Variants in PACS1 observed in about 807,000 individuals in gnomAD.
The protein encoded by PACS1 is phosphofurin acidic cluster sorting protein 1.
PACS1 carries 24 observed loss-of-function variants against 115.0 expected under a neutral mutation model. The ratio of observed to expected loss-of-function variants is 0.21; its 90% CI spans 0.15 to 0.29. The LOEUF is 0.29. Ranked by LOEUF, PACS1 falls within the 10% of genes least tolerant of loss-of-function variation. PACS1 has a pLI of 1.00. For missense variants in PACS1, 838 were observed against 1,251.2 expected, an observed-to-expected ratio of 0.67 and a Z score of 4.98; for synonymous variants, 453 against 504.5, an observed-to-expected ratio of 0.90 and a Z score of 1.37.
Position 66,216,174 on chromosome 11 carries a change from A to C in PACS1, c.716A>C (p.Lys239Thr). Residue 239 changes from lysine (K) to threonine (T), a missense_variant, in exon 5 of 24, where the codon AAG becomes ACG. Around this residue, in one of 6 missense-constraint regions of PACS1, gnomAD observed 223 missense variants for 354.0 expected, o/e 0.63. Transcript: ENST00000320580. Reference sequence around the variant, plus strand: ...GTGCTTGGCCTACACAGCAACGTGAAGGATGTCTCTGTGCCTGTGGCAGAA... The same window carrying C: ...GTGCTTGGCCTACACAGCAACGTGACGGATGTCTCTGTGCCTGTGGCAGAA... ...ALVLGLHSNVKDVSVPVAEIK... is the reference protein window; with the variant it reads ...ALVLGLHSNVTDVSVPVAEIK... 1 of 1,614,066 alleles carries C rather than the reference A, an allele frequency of 6.2e-7. No individual in the cohort carries two copies. Among genetic ancestry groups the C allele is most frequent in the Non-Finnish European group, 8.5e-7 (1 of 1,179,998 alleles).
At chr11:66,078,758 T>C (rs1857434143) in intron 1 of PACS1, among the ~76,000 whole-genome samples, 1 of 152,204 alleles carries the variant, frequency 6.6e-6, no homozygotes, top group Admixed American at 6.5e-5. Context: ...CCCACTATGC[T>C]GCCCAGGCTG....
intron 1 of PACS1, among the ~76,000 whole-genome samples, chr11:66,173,452 A>T (rs1280219520): frequency 6.6e-6 from 1 of 152,168 alleles, no homozygotes; most frequent in Non-Finnish European, 1.5e-5. Flanking sequence ...TCACGCCTGT[A>T]ATCCTAGCAC....
intron 1 of PACS1, among the ~76,000 whole-genome samples, chr11:66,121,243 C>T (rs1240823710): frequency 6.6e-6 from 1 of 152,104 alleles, no homozygotes; most frequent in Admixed American, 6.6e-5. Flanking sequence ...CGCATCCGTG[C>T]GAGACGTTAG....
At chr11:66,204,637 C>T (rs374420009) in intron 2 of PACS1, among the ~76,000 whole-genome samples, 3 of 152,152 alleles carry the variant, frequency 2.0e-5, no homozygotes, top group African/African-American at 7.2e-5. Context: ...AGAATGAGTT[C>T]CTGTCATTTG....
intron 1 of PACS1, among the ~76,000 whole-genome samples, chr11:66,135,823 A>G (rs1463074402): frequency 3.3e-5 from 5 of 151,896 alleles, no homozygotes; most frequent in Admixed American, 6.6e-5. Flanking sequence ...TGCCTGGCTA[A>G]TTTTTGTATT....
intron 1 of PACS1, among the ~76,000 whole-genome samples, chr11:66,143,088 G>A (rs1445633344): frequency 1.3e-5 from 2 of 152,076 alleles, no homozygotes; most frequent in Non-Finnish European, 2.9e-5. Context: ...GTAAGGTGGT[G>A]CTGTTAATGA....
intron 1 of PACS1, among the ~76,000 whole-genome samples, chr11:66,164,097 G>A (rs1240190004): frequency 6.6e-6 from 1 of 152,158 alleles, no homozygotes; most frequent in East Asian, 1.9e-4. Context: ...ACAAGTTGGT[G>A]TTTCCCGTCC....
chr11:66,090,159 G>A (rs1352720845), intron 1 of PACS1, among the ~76,000 whole-genome samples: 2 of 151,792 alleles, frequency 1.3e-5, no homozygotes, highest in Non-Finnish European at 1.5e-5. Context: ...GGACACTTTA[G>A]CCATAACTTA....
In PACS1 at chr11:66,097,508, C is replaced by T. The variant is rs560052541; in HGVS notation, c.356+26666C>T. Among the ~76,000 whole-genome samples, 23 of 152,254 alleles carry T rather than the reference C, an allele frequency of 1.5e-4. No individual in the cohort carries two copies. The South Asian group carries it at 4.1e-3, about 27-fold the overall frequency. On this transcript the variant is annotated intron_variant, in intron 1 of 23. Transcript: ENST00000320580. The stretch of plus-strand genomic sequence containing the variant: ...TGTGTGTTTGGAAACAGATCCTATC[C>T]CACTCAGTTCTCAGATGAGACCATA...
At chr11:66,222,688 A>G (rs896610778) in intron 10 of PACS1, among the ~76,000 whole-genome samples, 1 of 152,164 alleles carries the variant, frequency 6.6e-6, no homozygotes, top group African/African-American at 2.4e-5. Context: ...ACCAGGGGGA[A>G]TACCAAACTC....
At chr11:66,214,032 CAAAAAA>C (rs71036278) in intron 4 of PACS1, among the ~76,000 whole-genome samples, 1 of 42,982 alleles carries the variant, frequency 2.3e-5, no homozygotes, top group Non-Finnish European at 3.8e-5. Context: ...GACTCCATCT[CAAAAAA>C]AAAAAAAAAA....
intron 1 of PACS1, among the ~76,000 whole-genome samples, chr11:66,146,066 G>A (rs186857612): frequency 1.3e-5 from 2 of 152,152 alleles, no homozygotes; most frequent in South Asian, 2.1e-4. Context: ...TTAAAATTAT[G>A]ATTATGTCTG....
At chr11:66,212,372 TC>T (rs1855095117) in intron 4 of PACS1, among the ~76,000 whole-genome samples, 1 of 151,354 alleles carries the variant, frequency 6.6e-6, no homozygotes, top group Non-Finnish European at 1.5e-5. Context: ...GACCTTGTGA[TC>T]CGCCCGCCTT....
At chr11:66,117,826 C>T (rs1858338986) in intron 1 of PACS1, among the ~76,000 whole-genome samples, 1 of 150,786 alleles carries the variant, frequency 6.6e-6, no homozygotes, top group Admixed American at 6.6e-5. Context: ...GCCTGGGCAA[C>T]AAGAGTGAAA....
chr11:66,238,164 A>G, intron 19 of PACS1: 3 of 983,426 alleles, frequency 3.1e-6, no homozygotes, highest in Non-Finnish European at 3.6e-6. Context: ...TTCCTAAAGA[A>G]CCCCCCCACC....
At chr11:66,184,134 CT>C (rs986558917) in intron 1 of PACS1, among the ~76,000 whole-genome samples, 20 of 151,810 alleles carry the variant, frequency 1.3e-4, no homozygotes, top group Non-Finnish European at 2.5e-4. Context: ...GACCACTTTG[CT>C]GTTTATTGAT....
At chr11:66,204,892 A>G (rs1157971144) in intron 2 of PACS1, among the ~76,000 whole-genome samples, 1 of 152,166 alleles carries the variant, frequency 6.6e-6, no homozygotes, top group African/African-American at 2.4e-5. Flanking sequence ...CTGTAATCCT[A>G]GCACTTTGGG....
In PACS1 at chr11:66,211,199, C is replaced by T; in HGVS notation, c.600C>T (p.Tyr200=). 6.2e-7 allele frequency: 1 copy of T among 1,613,818 alleles called. No homozygotes were observed. The highest frequency in any genetic ancestry group is 8.5e-7 in the Non-Finnish European group (1 of 1,179,768). ...LQIMLQRRKR[Y]KNRTILGYKT... ...TCATGCTGCAAAGGAGAAAACGTTA[C>T]AAGAATCGGACCATCTTGGGCTATA... Residue 200 remains tyrosine, a synonymous_variant, in exon 4 of 24, where the codon TAC becomes TAT. Coordinates refer to ENST00000320580, the MANE Select transcript of PACS1 (RefSeq NM_018026.4).
intron 1 of PACS1, among the ~76,000 whole-genome samples, chr11:66,175,615 A>G (rs1390622091): frequency 2.6e-5 from 4 of 151,900 alleles, no homozygotes; most frequent in Non-Finnish European, 1.5e-5. Context: ...CACTGTACAA[A>G]CTCCATCAGT....
Sources: allele counts gnomAD v4.1 joint callset (sites outside exome capture counted in the v4.1 genomes callset), GRCh38; gene constraint gnomAD v4.1.1; regional missense constraint gnomAD v4.1.1; transcripts MANE v1.5; gene names NCBI Gene and HGNC (gene_info 2026-07-23, HGNC 2026-07-21).